Variants in PTPRD observed in about 807,000 individuals in gnomAD.
PTPRD encodes receptor-type tyrosine-protein phosphatase delta.
Under a neutral mutation model 214.5 loss-of-function variants are expected in PTPRD, and 34 were observed. The ratio of observed to expected loss-of-function variants is 0.16; its 90% CI spans 0.12 to 0.21. The LOEUF (loss-of-function observed/expected upper bound fraction) is 0.21, where lower values mean the gene tolerates loss of function less well. Among genes scored for constraint, PTPRD ranks in the 10% least tolerant of loss-of-function variants. The pLI, the probability that PTPRD is intolerant of heterozygous loss-of-function variation, is 1.00. For synonymous variants in PTPRD, 1,128 were observed against 845.7 expected (o/e 1.33, Z -5.79); for missense variants, 2,545 against 2,398.7 (o/e 1.06, Z -1.27).
intron 12 of PTPRD, among the ~76,000 whole-genome samples, chr9:8,708,704 A>AAAAAAAAAAC (rs748191308): frequency 1.6e-5 from 2 of 123,754 alleles, no homozygotes; most frequent in Non-Finnish European, 1.7e-5. Flanking sequence ...AAAAAAAAAA[A>AAAAAAAAAAC]CAGAGCTACC....
intron 33 of PTPRD, chr9:8,454,630 G>C: frequency 6.2e-7 from 1 of 1,609,596 alleles, no homozygotes; most frequent in Non-Finnish European, 8.5e-7. Context: ...GAAAAAGAAA[G>C]GCTAAATGTT....
Position 8,941,708 on chromosome 9 carries a change from A to T in PTPRD, c.-104+76989T>A, listed in dbSNP as rs532863993. 2.6e-5 allele frequency among the ~76,000 whole-genome samples: 4 copies of T among 152,380 alleles called. No homozygotes were observed. In the East Asian group the frequency reaches 7.7e-4, roughly 29 times the overall value. The stretch of plus-strand genomic sequence containing the variant: ...GTCAGTGAGTTAAAGTGGCTGAAAC[A>T]GATCTCACAAAAATCCAGCAAAAAT... On this transcript the variant is annotated intron_variant, in intron 11 of 45. Transcript: ENST00000381196.
chr9:9,143,802 G>A (rs1263421572), intron 10 of PTPRD, among the ~76,000 whole-genome samples: 1 of 152,220 alleles, frequency 6.6e-6, no homozygotes. Context: ...AATCATTATG[G>A]TTTGGACAGT....
intron 7 of PTPRD, among the ~76,000 whole-genome samples, chr9:9,733,328 G>C (rs2098232957): frequency 1.3e-5 from 2 of 152,146 alleles, no homozygotes. Context: ...CTATGGGAAA[G>C]GCATCATTCA....
At position 8,371,809 on chromosome 9, in the gene PTPRD, T is replaced by C. The variant is rs78155737; in HGVS notation, c.4661+4127A>G. ...AACACCATCAGGTAGAGAAGGGGAA[T>C]TGTTGAAATTCTAGACCAGATAAAT... On this transcript the variant is annotated intron_variant, in intron 39 of 45. Transcript: ENST00000381196. Among the ~76,000 whole-genome samples the C allele has an allele frequency of 6.0e-3, 916 of 152,172 alleles. 6 individuals carry two copies. Among genetic ancestry groups the C allele is most frequent in the South Asian group, 0.02 (98 of 4,826 alleles).
At chr9:10,003,034 A>T (rs2096371262) in intron 4 of PTPRD, among the ~76,000 whole-genome samples, 1 of 151,836 alleles carries the variant, frequency 6.6e-6, no homozygotes, top group African/African-American at 2.4e-5. Context: ...TAAGAGAAAC[A>T]GTTAATAATT....
chr9:8,534,624 A>G (rs1322601689), intron 14 of PTPRD, among the ~76,000 whole-genome samples: 1 of 151,406 alleles, frequency 6.6e-6, no homozygotes, highest in Non-Finnish European at 1.5e-5. Context: ...TGACATTCCT[A>G]GAGTATATAT....
intron 2 of PTPRD, among the ~76,000 whole-genome samples, chr9:10,426,255 C>T (rs1284011529): frequency 1.3e-5 from 2 of 151,936 alleles, no homozygotes; most frequent in South Asian, 2.1e-4. Flanking sequence ...CCAAATTAAA[C>T]CCTAAGTTTA....
chr9:10,378,446 G>A (rs2154481377), intron 2 of PTPRD, among the ~76,000 whole-genome samples: 1 of 152,118 alleles, frequency 6.6e-6, no homozygotes, highest in East Asian at 1.9e-4. Flanking sequence ...ATAGTTTGAG[G>A]TCTTAAGTTT....
chr9:8,627,599 C>T (rs2096084015), intron 14 of PTPRD, among the ~76,000 whole-genome samples: 1 of 151,806 alleles, frequency 6.6e-6, no homozygotes, highest in South Asian at 2.1e-4. Flanking sequence ...TTTCTGAGCC[C>T]TTTTTAGACA....
intron 10 of PTPRD, among the ~76,000 whole-genome samples, chr9:9,149,733 C>G (rs1291975535): frequency 6.6e-6 from 1 of 152,144 alleles, no homozygotes; most frequent in East Asian, 1.9e-4. Flanking sequence ...TAAAGGCATT[C>G]TTGTCTTTAT....
At chr9:8,383,999 A>C (rs751542154) in intron 37 of PTPRD, among the ~76,000 whole-genome samples, 3 of 152,322 alleles carry the variant, frequency 2.0e-5, no homozygotes, top group Non-Finnish European at 4.4e-5. Context: ...TGGGAGACAG[A>C]GTAGGAGAGA....
rs926838190 is a variant in PTPRD at position 9,644,524 on chromosome 9, T to C, written c.-286-69743A>G. 4.2e-4 allele frequency among the ~76,000 whole-genome samples: 64 copies of C among 152,144 alleles called. 2 individuals are homozygous for C. Among genetic ancestry groups the C allele is most frequent in the Non-Finnish European group, 2.9e-5 (2 of 68,018 alleles). ...ATCTCCCATTTCAGCTATGAAGCAA[T>C]GAAAATAACAAATACAGCTTTCTTT... On this transcript the variant is annotated intron_variant, in intron 7 of 45. Coordinates refer to ENST00000381196, the MANE Select transcript of PTPRD (RefSeq NM_002839.4).
chr9:10,148,769 G>A (rs1019501047), intron 3 of PTPRD, among the ~76,000 whole-genome samples: 4 of 152,156 alleles, frequency 2.6e-5, no homozygotes, highest in South Asian at 4.1e-4. Context: ...ACCATCTCTG[G>A]GGGTAAGAAC....
intron 11 of PTPRD, among the ~76,000 whole-genome samples, chr9:8,929,218 A>G (rs540661368): frequency 6.6e-6 from 1 of 152,198 alleles, no homozygotes; most frequent in East Asian, 1.9e-4. Context: ...AGAACTTCCA[A>G]CACTATGTTT....
chr9:9,928,794 C>A (rs1028218148), intron 5 of PTPRD, among the ~76,000 whole-genome samples: 1 of 113,948 alleles, frequency 8.8e-6, no homozygotes, highest in African/African-American at 5.6e-5. Flanking sequence ...ACACAATTTG[C>A]ATTTTGGAAG....
At chr9:10,024,663 G>A (rs1190877355) in intron 4 of PTPRD, among the ~76,000 whole-genome samples, 1 of 151,016 alleles carries the variant, frequency 6.6e-6, no homozygotes, top group Non-Finnish European at 1.5e-5. Flanking sequence ...AAGTTTTAGG[G>A]TACATGTGCA....
intron 11 of PTPRD, among the ~76,000 whole-genome samples, chr9:9,005,635 C>T (rs1177698154): frequency 1.3e-5 from 2 of 152,028 alleles, no homozygotes; most frequent in African/African-American, 4.8e-5. Flanking sequence ...CTGCTGCTTT[C>T]AGCTGTAGAG....
chr9:9,064,610 C>A (rs1234478745), intron 10 of PTPRD, among the ~76,000 whole-genome samples: 1 of 152,186 alleles, frequency 6.6e-6, no homozygotes, highest in East Asian at 1.9e-4. Context: ...CAAGAACTGT[C>A]CCACACCAAA....
Sources: gnomAD v4.1 joint callset for allele counts (sites outside exome capture counted in the v4.1 genomes callset) on GRCh38, gnomAD v4.1.1 for gene constraint, MANE v1.5 for transcripts, NCBI Gene and HGNC (gene_info 2026-07-23, HGNC 2026-07-21) for gene names.